The following CDH4 variants were observed in gnomAD, a reference collection of about 807,000 sequenced individuals.
CDH4 encodes cadherin 4, also known as cadherin-4.
CDH4 carries 33 observed loss-of-function variants against 86.0 expected under a neutral mutation model. The ratio of observed to expected loss-of-function variants is 0.38; its 90% CI spans 0.29 to 0.51. The LOEUF is 0.51. Among genes scored for constraint, CDH4 ranks in the 20% least tolerant of loss-of-function variants. CDH4 has a pLI of 0.86. For missense variants in CDH4, 1,114 were observed against 1,307.4 expected (o/e 0.85, Z 2.28); for synonymous variants, 555 against 549.4 (o/e 1.01, Z -0.14).
chr20:61,578,650 G>A (rs2086402634), intron 2 of CDH4, among the ~76,000 whole-genome samples: 2 of 152,226 alleles, frequency 1.3e-5, no homozygotes, highest in South Asian at 4.2e-4. Context: ...CAAGGACCTG[G>A]CCACCTCTCC....
intron 2 of CDH4, among the ~76,000 whole-genome samples, chr20:61,444,347 C>CTGTG (rs1222059328): frequency 2.2e-4 from 1 of 4,620 alleles, no homozygotes; most frequent in East Asian, 3.8e-3. Context: ...CTGTGTGTGT[C>CTGTG]TGTGTATATT....
At chr20:61,273,228 G>A (rs1251911668) in intron 2 of CDH4, among the ~76,000 whole-genome samples, 1 of 127,936 alleles carries the variant, frequency 7.8e-6, no homozygotes, top group South Asian at 2.8e-4. Context: ...ACCTTGTGCA[G>A]TTTGGGGGAG....
At chr20:61,881,840 G>A (rs545850738) in intron 7 of CDH4, among the ~76,000 whole-genome samples, 13 of 152,254 alleles carry the variant, frequency 8.5e-5, no homozygotes, top group Non-Finnish European at 1.3e-4. Flanking sequence ...CCCTGGCAGC[G>A]TGACCTTATC....
intron 2 of CDH4, among the ~76,000 whole-genome samples, chr20:61,506,029 A>T (rs1475523341): frequency 6.6e-6 from 1 of 152,240 alleles, no homozygotes; most frequent in African/African-American, 2.4e-5. Flanking sequence ...ACTGGATGGG[A>T]TTTGAGAGTC....
intron 4 of CDH4, among the ~76,000 whole-genome samples, chr20:61,794,076 G>A (rs1568819559): frequency 6.7e-6 from 1 of 148,962 alleles, no homozygotes; most frequent in Non-Finnish European, 1.5e-5. Context: ...CTGGGAGATG[G>A]AGCTTGCAGT....
intron 2 of CDH4, among the ~76,000 whole-genome samples, chr20:61,661,011 C>G (rs2087248421): frequency 6.8e-6 from 1 of 146,408 alleles, no homozygotes; most frequent in Non-Finnish European, 1.5e-5. Flanking sequence ...CTAAAAAATT[C>G]TAGTGGCTTT....
chr20:61,255,129 T>C (rs934566829), intron 2 of CDH4, among the ~76,000 whole-genome samples, 192 bp downstream of exon 2: 6 of 152,212 alleles, frequency 3.9e-5, no homozygotes, highest in Admixed American at 2.0e-4. Context: ...AGAACCCCGG[T>C]CATTTTTGAG....
At chr20:61,562,036 G>T (rs1236302368) in intron 2 of CDH4, among the ~76,000 whole-genome samples, 1 of 148,052 alleles carries the variant, frequency 6.8e-6, no homozygotes, top group African/African-American at 2.5e-5. Context: ...GGGCCTTCGT[G>T]TGGAGAGGTG....
chr20:61,310,593 T>C (rs2084440253), intron 2 of CDH4, among the ~76,000 whole-genome samples: 1 of 152,170 alleles, frequency 6.6e-6, no homozygotes, highest in South Asian at 2.1e-4. Flanking sequence ...GCTGCCCCCT[T>C]CCTGCTGTCC....
intron 2 of CDH4, among the ~76,000 whole-genome samples, chr20:61,620,839 C>T (rs1451719340): frequency 1.3e-5 from 2 of 152,322 alleles, no homozygotes; most frequent in African/African-American, 4.8e-5. Context: ...GCCATGCCAT[C>T]CCGGTTATCA....
intron 2 of CDH4, among the ~76,000 whole-genome samples, chr20:61,447,427 G>A (rs181922480): frequency 6.6e-6 from 1 of 151,096 alleles, no homozygotes; most frequent in East Asian, 2.0e-4. Context: ...GTCCACCTCG[G>A]CCTTCCAAAG....
intron 2 of CDH4, among the ~76,000 whole-genome samples, chr20:61,503,380 G>A (rs1351157510): frequency 6.6e-6 from 1 of 152,202 alleles, no homozygotes; most frequent in East Asian, 1.9e-4. Flanking sequence ...AGGGAAAATA[G>A]GAAAAGGGGT....
rs1985386480 is a variant in CDH4 at position 61,901,219 on chromosome 20, G to GGAGA, written c.1188+6172_1188+6173insGAGA. On this transcript the variant is annotated intron_variant, in intron 8 of 15. Transcript: ENST00000614565. ...CAGTGAGCAGGAGCAGGAGCAGGAG[G>GGAGA]AGTAGGGGCAGGGGCAGGGGCAGGG... Among the ~76,000 whole-genome samples the GGAGA allele has an allele frequency of 5.8e-5, 5 of 86,618 alleles. No individual in the cohort carries two copies. In the East Asian group the frequency reaches 1.4e-3, roughly 24 times the overall value. 56.8% of individuals were successfully genotyped at this position (86,618 alleles called of 152,430 possible). A position where few individuals can be genotyped will look rare whatever the true frequency, so the allele number is the denominator to read the frequency against.
At chr20:61,599,873 A>G (rs971773393) in intron 2 of CDH4, 55 of 985,474 alleles carry the variant, frequency 5.6e-5, no homozygotes, top group Non-Finnish European at 6.4e-5. Flanking sequence ...ACACAGGAGC[A>G]ATCTTCTCAG....
At chr20:61,367,463 C>A (rs1034620139) in intron 2 of CDH4, among the ~76,000 whole-genome samples, 7 of 151,294 alleles carry the variant, frequency 4.6e-5, no homozygotes, top group Non-Finnish European at 8.8e-5. Context: ...AAAAGAAAAC[C>A]ACAGAAGCCA....
rs1369528742 is a variant in CDH4 at position 61,829,309 on chromosome 20, T to A, written c.577-15359T>A. On this transcript the variant is annotated intron_variant, in intron 4 of 15. Transcript: ENST00000614565. This position sits in a 1 kb window ranked among gnomAD's most constrained non-coding sequence, Gnocchi z 4.2. ...TCGCTGAGCATAATGTTTTCAAGGT[T>A]CAGCCATGCTGCAGCTCGTATCAGA... Among the ~76,000 whole-genome samples the A allele has an allele frequency of 6.6e-6, 1 of 152,236 alleles. No homozygotes were observed. Among genetic ancestry groups the A allele is most frequent in the African/African-American group, 2.4e-5 (1 of 41,458 alleles).
In CDH4 at chr20:61,501,652, G is replaced by A. The variant is rs142856645; in HGVS notation, c.170-241911G>A. On this transcript the variant is annotated intron_variant, in intron 2 of 15. Transcript: ENST00000614565. This position sits in a 1 kb window ranked among gnomAD's most constrained non-coding sequence, Gnocchi z 4.2. Reference sequence around the variant, plus strand: ...GACTCAAAGGCCACACAGAAGCAGCGTGTTCCGGAAAGCATGCCGTGCCCT... The same window carrying A: ...GACTCAAAGGCCACACAGAAGCAGCATGTTCCGGAAAGCATGCCGTGCCCT... Among the ~76,000 whole-genome samples the A allele has an allele frequency of 2.6e-3, 399 of 152,208 alleles. 2 individuals carry two copies. The highest frequency in any genetic ancestry group is 3.4e-3 in the Middle Eastern group (1 of 294).
At chr20:61,822,214 AC>A (rs1367788230) in intron 4 of CDH4, among the ~76,000 whole-genome samples, 5 of 152,360 alleles carry the variant, frequency 3.3e-5, no homozygotes, top group East Asian at 1.9e-4. Flanking sequence ...TGCATAAAAA[AC>A]ATCTCGATGC....
chr20:61,391,097 T>C (rs1600932620), intron 2 of CDH4, among the ~76,000 whole-genome samples: 2 of 152,264 alleles, frequency 1.3e-5, no homozygotes, highest in Admixed American at 1.3e-4. Flanking sequence ...TGGGGAATTT[T>C]GGGGTGCCAG....
Sources: allele counts gnomAD v4.1 joint callset (sites outside exome capture counted in the v4.1 genomes callset), GRCh38; gene constraint gnomAD v4.1.1; non-coding constraint Gnocchi (gnomAD v3.1); transcripts MANE v1.5; gene names NCBI Gene and HGNC (gene_info 2026-07-23, HGNC 2026-07-21).